The following RBMS3 variants were observed in gnomAD, a reference collection of about 807,000 sequenced individuals.
The protein encoded by RBMS3 is RNA-binding motif, single-stranded-interacting protein 3.
A neutral mutation model predicts 66.8 loss-of-function variants in RBMS3; 27 were observed. The observed-to-expected ratio is 0.40, with a 90% CI of 0.30 to 0.56. The LOEUF (loss-of-function observed/expected upper bound fraction) is 0.56. RBMS3 is among the 20% of genes least tolerant of loss of function. The pLI, the probability that RBMS3 is intolerant of heterozygous loss-of-function variation, is 0.40. For missense variants in RBMS3, 513 were observed against 549.5 expected (o/e 0.93, Z 0.66); for synonymous variants, 188 against 183.0 (o/e 1.03, Z -0.22).
chr3:29,559,781 TA>T (rs1335001108), intron 3 of RBMS3, among the ~76,000 whole-genome samples: 1 of 152,140 alleles, frequency 6.6e-6, no homozygotes, highest in African/African-American at 2.4e-5. Context: ...AATCATTGCC[TA>T]AAATACACAG....
intron 4 of RBMS3, among the ~76,000 whole-genome samples, chr3:29,632,080 A>G (rs1467883348): frequency 2.0e-5 from 3 of 151,902 alleles, no homozygotes; most frequent in Admixed American, 2.0e-4. Flanking sequence ...TGCCTGTTGT[A>G]TTTCTCTGTA....
At chr3:29,554,276 C>G (rs1281638131) in intron 3 of RBMS3, among the ~76,000 whole-genome samples, 1 of 152,132 alleles carries the variant, frequency 6.6e-6, no homozygotes, top group Non-Finnish European at 1.5e-5. Context: ...AATTGATGTG[C>G]TATCTATTGC....
intron 1 of RBMS3, among the ~76,000 whole-genome samples, chr3:29,421,470 T>C (rs958343645): frequency 3.3e-5 from 5 of 152,220 alleles, no homozygotes; most frequent in African/African-American, 1.2e-4. Flanking sequence ...GTTTATTTCT[T>C]GTATATAAAA....
At chr3:29,300,112 C>A (rs965491603) in intron 1 of RBMS3, among the ~76,000 whole-genome samples, 1 of 151,906 alleles carries the variant, frequency 6.6e-6, no homozygotes, top group African/African-American at 2.4e-5. Flanking sequence ...GAGGGAGATA[C>A]TATTTTTGCC....
chr3:29,400,682 G>T (rs372996330), intron 1 of RBMS3, among the ~76,000 whole-genome samples: 22 of 151,968 alleles, frequency 1.4e-4, no homozygotes, highest in East Asian at 7.8e-4. Flanking sequence ...GTGGCATAGT[G>T]AATAGGTGAA....
At chr3:29,391,281 C>T (rs2039282339) in intron 1 of RBMS3, 3 of 153,348 alleles carry the variant, frequency 2.0e-5, no homozygotes. Context: ...CCAATACAAG[C>T]ATGGCAAAGG....
chr3:29,748,947 G>C (rs9856550), intron 5 of RBMS3, among the ~76,000 whole-genome samples: 2 of 152,030 alleles, frequency 1.3e-5, no homozygotes, highest in African/African-American at 4.8e-5. Context: ...GGTATCACAG[G>C]GTGGCAAAAA....
intron 6 of RBMS3, among the ~76,000 whole-genome samples, chr3:29,768,500 C>A (rs1044222896): frequency 4.0e-5 from 6 of 151,898 alleles, no homozygotes; most frequent in Admixed American, 3.9e-4. Context: ...AGTTTTTTGA[C>A]AGGGCTACAT....
chr3:29,684,809 CACACACAG>C (rs199512138), intron 4 of RBMS3, among the ~76,000 whole-genome samples: 1 of 148,996 alleles, frequency 6.7e-6, no homozygotes, highest in Non-Finnish European at 1.5e-5. Flanking sequence ...CACACACACA[CACACACAG>C]ACACATACAC....
At chr3:29,487,967 A>C (rs1414171588) in intron 2 of RBMS3, among the ~76,000 whole-genome samples, 2 of 152,212 alleles carry the variant, frequency 1.3e-5, no homozygotes, top group African/African-American at 2.4e-5. Flanking sequence ...TCCCAAAGAC[A>C]TAAATGTTGA....
At chr3:29,747,381 G>A (rs973280136) in intron 5 of RBMS3, among the ~76,000 whole-genome samples, 3 of 132,126 alleles carry the variant, frequency 2.3e-5, no homozygotes, top group Non-Finnish European at 4.8e-5. Context: ...TATCTAGGTA[G>A]GTAGGTAGGT....
intron 6 of RBMS3, among the ~76,000 whole-genome samples, chr3:29,839,497 A>G (rs2058610934): frequency 6.6e-6 from 1 of 152,078 alleles, no homozygotes; most frequent in South Asian, 2.1e-4. Context: ...AAGAAGTTTC[A>G]TAGAGGTGGA....
intron 6 of RBMS3, among the ~76,000 whole-genome samples, chr3:29,852,165 T>C (rs1347135246): frequency 6.6e-6 from 1 of 152,088 alleles, no homozygotes; most frequent in Non-Finnish European, 1.5e-5. Flanking sequence ...TTACACCATA[T>C]ACAAAAATTA....
At chr3:29,593,667 C>A (rs1221076526) in intron 4 of RBMS3, among the ~76,000 whole-genome samples, 1 of 151,802 alleles carries the variant, frequency 6.6e-6, no homozygotes, top group Non-Finnish European at 1.5e-5. Context: ...TGTTTGTATC[C>A]CATTTTTCCC....
At chr3:29,517,324 T>A (rs779690302) in intron 3 of RBMS3, among the ~76,000 whole-genome samples, 2,021 of 120,604 alleles carry the variant, frequency 0.017, 24 homozygotes, top group Admixed American at 0.039. Flanking sequence ...TATATATTTT[T>A]TTTTTGTTTT....
At chr3:29,789,052 T>A (rs1047837732) in intron 6 of RBMS3, among the ~76,000 whole-genome samples, 1 of 152,204 alleles carries the variant, frequency 6.6e-6, no homozygotes, top group African/African-American at 2.4e-5. Context: ...CTTGTTCATA[T>A]TCTTTGCCCA....
chr3:29,723,115 A>G (rs2053714661), intron 4 of RBMS3, among the ~76,000 whole-genome samples: 1 of 151,826 alleles, frequency 6.6e-6, no homozygotes, highest in African/African-American at 2.4e-5. Context: ...GGCTGGGATT[A>G]CAGGCGCACA....
chr3:30,009,156 C>A lies in RBMS3; in HGVS notation c.*5294C>A, dbSNP rs1042552760. 4.6e-5 allele frequency: 7 copies of A among 152,052 alleles called. No homozygotes were observed. Among genetic ancestry groups the A allele is most frequent in the Non-Finnish European group, 1.0e-4 (7 of 67,982 alleles). 9.4% of individuals were successfully genotyped at this position (152,052 alleles called of 1,614,324 possible). ...ACTAGGCCACTGAGTCATACTTGAG[C>A]TTTTCTTACTACTGCCCCAATTTCT... is the stretch of plus-strand genomic sequence containing the variant. On this transcript the variant is annotated 3_prime_UTR_variant, in exon 15 of 15. Coordinates refer to ENST00000383767, the MANE Select transcript of RBMS3 (RefSeq NM_001003793.3).
chr3:29,431,293 TTC>T lies in RBMS3; in HGVS notation c.76-3449_76-3448del, dbSNP rs1283657458. ...GAGAAAAATGTTTCTTTCTTTCTTT[TTC>T]CTTTTCTTTTTTTTTTTTGACAGAG... On this transcript the variant is annotated intron_variant, in intron 1 of 14. Coordinates refer to ENST00000383767, the MANE Select transcript of RBMS3 (RefSeq NM_001003793.3). 9.9e-4 allele frequency among the ~76,000 whole-genome samples: 117 copies of T among 118,200 alleles called. 1 individual carries two copies. Among genetic ancestry groups the T allele is most frequent in the Middle Eastern group, 7.7e-3 (2 of 260 alleles). The allele number at this position is 118,200 out of a possible 152,430, so 77.5% of individuals were successfully genotyped here. A position where few individuals can be genotyped will look rare whatever the true frequency, so the allele number is the denominator to read the frequency against.
Sources: allele counts gnomAD v4.1 joint callset (sites outside exome capture counted in the v4.1 genomes callset), GRCh38; gene constraint gnomAD v4.1.1; transcripts MANE v1.5; gene names NCBI Gene and HGNC (gene_info 2026-07-23, HGNC 2026-07-21).